PAK1: variants seen among roughly 807,000 people sequenced by gnomAD.
PAK1 encodes p21 (RAC1) activated kinase 1.
In PAK1, 29 loss-of-function variants were observed where a neutral mutation model predicts 67.4. The ratio of observed to expected loss-of-function variants is 0.43; its 90% CI spans 0.32 to 0.59. PAK1 has a LOEUF of 0.59. Among genes scored for constraint, PAK1 ranks in the 20% least tolerant of loss-of-function variants. The probability of loss-of-function intolerance (pLI) is 0.07; values close to 1 mark genes in which losing one functional copy is unlikely to be tolerated. For synonymous variants in PAK1, 223 were observed against 237.4 expected (o/e 0.94, Z 0.56); for missense variants, 337 against 670.7 (o/e 0.50, Z 5.50).
intron 1 of PAK1, among the ~76,000 whole-genome samples, chr11:77,451,722 C>G (rs552681533): frequency 6.6e-6 from 1 of 150,886 alleles, no homozygotes; most frequent in South Asian, 2.1e-4. Flanking sequence ...GCCTCAGCCT[C>G]CCGAGTAGCT....
At chr11:77,493,821 G>A in the PAK1 span, among the ~76,000 whole-genome samples, 89,585 of 151,980 alleles carry the variant, frequency 0.59, 28,605 homozygotes, top group African/African-American at 0.83. Context: ...CATGTCTCAC[G>A]ATTAGGTATA....
chr11:77,491,872 C>T, the PAK1 span, among the ~76,000 whole-genome samples: 5 of 152,112 alleles, frequency 3.3e-5, no homozygotes, highest in African/African-American at 9.7e-5. Flanking sequence ...ATGGACTAAA[C>T]GCTCCAGTCA....
At chr11:77,412,767 T>C (rs916939466) in intron 1 of PAK1, among the ~76,000 whole-genome samples, 2 of 152,228 alleles carry the variant, frequency 1.3e-5, no homozygotes, top group Non-Finnish European at 2.9e-5. Context: ...AGGTACTTTA[T>C]AAATGTTATG....
At chr11:77,452,727 C>T (rs1290632554) in intron 1 of PAK1, among the ~76,000 whole-genome samples, 1 of 152,122 alleles carries the variant, frequency 6.6e-6, no homozygotes, top group Non-Finnish European at 1.5e-5. Flanking sequence ...TCCTCAAACA[C>T]CCTAGATATA....
At chr11:77,433,393 A>G (rs1249774429) in intron 1 of PAK1, among the ~76,000 whole-genome samples, 1 of 152,246 alleles carries the variant, frequency 6.6e-6, no homozygotes, top group Non-Finnish European at 1.5e-5. Context: ...CAAGAAAGCA[A>G]AAAGACAATC....
chr11:77,526,489 T>C, the PAK1 span, among the ~76,000 whole-genome samples: 3 of 152,188 alleles, frequency 2.0e-5, no homozygotes, highest in Non-Finnish European at 2.9e-5. Context: ...TAGAATCATA[T>C]GAAATGACAT....
At chr11:77,357,412 C>G (rs1946180683) in intron 6 of PAK1, among the ~76,000 whole-genome samples, 2 of 152,214 alleles carry the variant, frequency 1.3e-5, no homozygotes, top group African/African-American at 4.8e-5. Context: ...TCTCAATTTT[C>G]TATTCTTGTA....
At position 77,336,173 on chromosome 11, in the gene PAK1, C is replaced by T; in HGVS notation, c.1326G>A (p.Gly442=). 6.2e-7 allele frequency: 1 copy of T among 1,613,784 alleles called. No individual in the cohort carries two copies. The highest frequency in any genetic ancestry group is 8.5e-7 in the Non-Finnish European group (1 of 1,179,700). ...APEVVTRKAY[G]PKVDIWSLGI... ...CCAGGGACCAGATGTCAACCTTGGG[C>T]CCATAGGCCTTTCGTGTCACAACCT... is the stretch of plus-strand genomic sequence containing the variant. The change falls in exon 13 of 15, where the codon GGG becomes GGA. Residue 442 remains glycine, a synonymous_variant. Transcript: ENST00000356341.
At chr11:77,364,083 A>T (rs1947168939) in intron 5 of PAK1, among the ~76,000 whole-genome samples, 1 of 152,214 alleles carries the variant, frequency 6.6e-6, no homozygotes, top group African/African-American at 2.4e-5. Context: ...ATTCAGCTCT[A>T]TTAGCCTGAA....
chr11:77,403,220 T>C (rs1354997656), intron 1 of PAK1, among the ~76,000 whole-genome samples: 1 of 152,234 alleles, frequency 6.6e-6, no homozygotes, highest in African/African-American at 2.4e-5. Context: ...CTGGCTGCTA[T>C]CGCACATCTT....
intron 1 of PAK1, 96 bp from the exon 2 acceptor site, chr11:77,392,637 C>A: frequency 1.1e-6 from 1 of 939,534 alleles, no homozygotes; most frequent in South Asian, 1.9e-5. Context: ...ATTATACAGC[C>A]CTTCCTTCAG....
chr11:77,334,917 T>C (rs1014222503), intron 13 of PAK1, among the ~76,000 whole-genome samples: 2 of 152,246 alleles, frequency 1.3e-5, no homozygotes, highest in African/African-American at 4.8e-5. Context: ...ATCTCTCTAC[T>C]GATAACTGAT....
At chr11:77,352,188 A>C (rs1945346053) in intron 8 of PAK1, among the ~76,000 whole-genome samples, 1 of 152,136 alleles carries the variant, frequency 6.6e-6, no homozygotes, top group Admixed American at 6.6e-5. Flanking sequence ...ATTACCCCCG[A>C]AGATTCCTTC....
chr11:77,351,748 T>TA (rs368758694), intron 8 of PAK1, among the ~76,000 whole-genome samples: 5,144 of 146,606 alleles, frequency 0.035, 129 homozygotes, highest in African/African-American at 0.079. Context: ...GTGTATAATT[T>TA]AAAAAAAAAA....
chr11:77,335,638 G>C (rs958353156), intron 13 of PAK1, among the ~76,000 whole-genome samples: 1 of 152,090 alleles, frequency 6.6e-6, no homozygotes, highest in African/African-American at 2.4e-5. Flanking sequence ...CGGCCAAAAT[G>C]ATCTGTTTAA....
At chr11:77,379,840 G>A in intron 3 of PAK1, 54 bp downstream of exon 3, 2 of 1,181,768 alleles carry the variant, frequency 1.7e-6, no homozygotes, top group Non-Finnish European at 2.5e-6. Context: ...GAATCTAACA[G>A]TGCACAGCCA....
rs557626737 is a variant in PAK1 at position 77,331,335 on chromosome 11, C to T, written c.1551+1395G>A. On this transcript the variant is annotated intron_variant, in intron 14 of 14. Transcript: ENST00000356341. ...ATGCTGCTGTAAAGACACATGCACA[C>T]GTATGTTTATAGTGGCACTATTCAC... Among the ~76,000 whole-genome samples the T allele has an allele frequency of 2.0e-5, 3 of 152,268 alleles. No homozygotes were observed. In the East Asian group the frequency reaches 5.8e-4, roughly 29 times the overall value.
intron 13 of PAK1, among the ~76,000 whole-genome samples, chr11:77,333,989 C>T (rs1591706177): frequency 6.6e-6 from 1 of 151,342 alleles, no homozygotes; most frequent in East Asian, 2.0e-4. Flanking sequence ...ACCAATATGG[C>T]GAAATGTGGT....
At chr11:77,342,445 T>A (rs1479029220) in intron 10 of PAK1, among the ~76,000 whole-genome samples, 1 of 152,198 alleles carries the variant, frequency 6.6e-6, no homozygotes, top group Non-Finnish European at 1.5e-5. Context: ...CACCATTTTG[T>A]GAGACAGGCC....
Sources: allele counts gnomAD v4.1 joint callset (sites outside exome capture counted in the v4.1 genomes callset), GRCh38; gene constraint gnomAD v4.1.1; transcripts MANE v1.5; gene names NCBI Gene and HGNC (gene_info 2026-07-23, HGNC 2026-07-21).